CNTNAP2: variants seen among roughly 807,000 people sequenced by gnomAD.
The protein encoded by CNTNAP2 is contactin-associated protein-like 2.
In CNTNAP2, 98 loss-of-function variants were observed where a neutral mutation model predicts 155.2. That is an observed-to-expected ratio of 0.63 (90% confidence interval 0.54 to 0.75). CNTNAP2 has a LOEUF of 0.75. Among genes scored for constraint, CNTNAP2 ranks in the 30% least tolerant of loss-of-function variants. The probability of loss-of-function intolerance (pLI) is 0.00; values close to 1 mark genes in which losing one functional copy is unlikely to be tolerated. For synonymous variants in CNTNAP2, 651 were observed against 631.2 expected, an observed-to-expected ratio of 1.03 and a Z score of -0.47; for missense variants, 1,727 against 1,688.1, an observed-to-expected ratio of 1.02 and a Z score of -0.40.
In CNTNAP2 at chr7:146,842,580, G is replaced by A. The variant is rs865959632; in HGVS notation, c.402+2676G>A. Among the ~76,000 whole-genome samples, 120 of 152,260 alleles carry A rather than the reference G, an allele frequency of 7.9e-4. 1 individual carries two copies. Among genetic ancestry groups the A allele is most frequent in the African/African-American group, 2.8e-3 (115 of 41,528 alleles). On this transcript the variant is annotated intron_variant, in intron 3 of 23. Transcript: ENST00000361727. ...TTTCCACAGGCTGTATAGGAAGCAT[G>A]GCTTTGGAGGCCTCAAGAAACTTAC...
At chr7:147,589,259 A>C (rs2116840980) in intron 12 of CNTNAP2, among the ~76,000 whole-genome samples, 1 of 152,330 alleles carries the variant, frequency 6.6e-6, no homozygotes, top group Admixed American at 6.5e-5. Context: ...CTAGAACTCA[A>C]GTTTGGTGAA....
intron 9 of CNTNAP2, among the ~76,000 whole-genome samples, chr7:147,337,838 T>A (rs1795690659): frequency 6.6e-6 from 1 of 152,118 alleles, no homozygotes; most frequent in African/African-American, 2.4e-5. Flanking sequence ...AGCATTGGAA[T>A]AGAAGAAAAA....
intron 10 of CNTNAP2, among the ~76,000 whole-genome samples, chr7:147,425,189 G>T (rs1797358547): frequency 1.4e-5 from 2 of 140,212 alleles, no homozygotes; most frequent in Admixed American, 7.3e-5. Context: ...AATAATGCAT[G>T]TTCAATAGAA....
intron 8 of CNTNAP2, among the ~76,000 whole-genome samples, chr7:147,295,395 T>A (rs1805418778): frequency 6.6e-6 from 1 of 152,172 alleles, no homozygotes; most frequent in South Asian, 2.1e-4. Flanking sequence ...TTGTTCAAGC[T>A]CTAGAACCAA....
intron 1 of CNTNAP2, among the ~76,000 whole-genome samples, chr7:146,258,705 C>T (rs1563011632): frequency 6.6e-6 from 1 of 152,132 alleles, no homozygotes; most frequent in Admixed American, 6.6e-5. Flanking sequence ...AACATAGTCT[C>T]CTGATTTACG....
intron 10 of CNTNAP2, among the ~76,000 whole-genome samples, chr7:147,427,254 C>G (rs1797393018): frequency 6.6e-6 from 1 of 152,116 alleles, no homozygotes; most frequent in Non-Finnish European, 1.5e-5. Flanking sequence ...CCAAAAGTCA[C>G]ACTTCTTAAT....
intron 13 of CNTNAP2, among the ~76,000 whole-genome samples, chr7:147,827,726 C>T (rs1048074387): frequency 6.6e-6 from 1 of 151,716 alleles, no homozygotes; most frequent in Non-Finnish European, 1.5e-5. Flanking sequence ...CTCATAGAGC[C>T]CAAAAAGGTA....
intron 1 of CNTNAP2, among the ~76,000 whole-genome samples, chr7:146,334,341 G>A (rs941096082): frequency 4.6e-5 from 7 of 150,916 alleles, no homozygotes; most frequent in Non-Finnish European, 1.0e-4. Context: ...TGAGGCAGGA[G>A]AATGGCGTGA....
intron 3 of CNTNAP2, among the ~76,000 whole-genome samples, chr7:146,996,517 T>A (rs908792236): frequency 1.3e-5 from 2 of 152,130 alleles, no homozygotes; most frequent in African/African-American, 4.8e-5. Context: ...TAGTTTACTG[T>A]TAGTGTACAG....
intron 13 of CNTNAP2, among the ~76,000 whole-genome samples, chr7:147,696,694 G>A (rs1796166795): frequency 2.0e-5 from 3 of 151,868 alleles, no homozygotes; most frequent in African/African-American, 7.3e-5. Flanking sequence ...AGATCTACTG[G>A]CAACAAATTT....
rs564539436 is a variant in CNTNAP2, at chr7:146,425,901, A to G, written c.97+308928A>G. Among the ~76,000 whole-genome samples, 4 of 152,012 alleles carry G rather than the reference A, an allele frequency of 2.6e-5. No homozygotes were observed. The East Asian group carries it at 7.8e-4, about 30-fold the overall frequency. On this transcript the variant is annotated intron_variant, in intron 1 of 23. Transcript: ENST00000361727. The stretch of plus-strand genomic sequence containing the variant: ...AAAATTAAAAGTTAAAAAAACAAAA[A>G]AAGGCTGGGCCTGGTGGCTCATGCC...
At chr7:147,927,334 A>C (rs1800413620) in intron 14 of CNTNAP2, among the ~76,000 whole-genome samples, 1 of 152,242 alleles carries the variant, frequency 6.6e-6, no homozygotes, top group African/African-American at 2.4e-5. Flanking sequence ...TGGTCTGATT[A>C]GATTCATTGA....
intron 3 of CNTNAP2, among the ~76,000 whole-genome samples, chr7:146,931,778 A>G (rs1189953353): frequency 6.6e-6 from 1 of 150,892 alleles, no homozygotes; most frequent in Non-Finnish European, 1.5e-5. Flanking sequence ...CCACAGAAAT[A>G]CAAACTACCA....
intron 1 of CNTNAP2, among the ~76,000 whole-genome samples, chr7:146,610,017 G>A (rs1799108320): frequency 6.6e-6 from 1 of 152,144 alleles, no homozygotes; most frequent in Admixed American, 6.5e-5. Context: ...AGTCTCCCAG[G>A]TGAGTTCCAT....
chr7:146,617,181 C>A (rs1799240782), intron 1 of CNTNAP2, among the ~76,000 whole-genome samples: 1 of 152,108 alleles, frequency 6.6e-6, no homozygotes, highest in Admixed American at 6.5e-5. Context: ...TTTGTCTTAT[C>A]TTGAACTATA....
At chr7:148,096,668 C>T (rs1446631299) in intron 15 of CNTNAP2, among the ~76,000 whole-genome samples, 1 of 152,042 alleles carries the variant, frequency 6.6e-6, no homozygotes, top group African/African-American at 2.4e-5. Context: ...GCATCGAAAC[C>T]AAACCCCACC....
chr7:147,757,203 C>A (rs539010906), intron 13 of CNTNAP2, among the ~76,000 whole-genome samples: 1 of 152,312 alleles, frequency 6.6e-6, no homozygotes, highest in African/African-American at 2.4e-5. Context: ...AGTCAGGCAC[C>A]AATCCTCTGC....
At chr7:146,431,731 T>C (rs1796176377) in intron 1 of CNTNAP2, among the ~76,000 whole-genome samples, 1 of 152,020 alleles carries the variant, frequency 6.6e-6, no homozygotes, top group Non-Finnish European at 1.5e-5. Context: ...TAAGAAAAAG[T>C]TTTGATGGTT....
chr7:148,185,627 G>A (rs930987585), intron 18 of CNTNAP2, among the ~76,000 whole-genome samples: 1 of 152,138 alleles, frequency 6.6e-6, no homozygotes, highest in Non-Finnish European at 1.5e-5. Flanking sequence ...CAAGTCCATT[G>A]CTAGTCACTT....
Sources: allele counts gnomAD v4.1 joint callset (sites outside exome capture counted in the v4.1 genomes callset), GRCh38; gene constraint gnomAD v4.1.1; transcripts MANE v1.5; gene names NCBI Gene and HGNC (gene_info 2026-07-23, HGNC 2026-07-21).